The following UMODL1 variants were observed in gnomAD, a reference collection of about 807,000 sequenced individuals.
The protein encoded by UMODL1 is uromodulin like 1.
Under a neutral mutation model 136.3 loss-of-function variants are expected in UMODL1, and 128 were observed. The ratio of observed to expected loss-of-function variants is 0.94; its 90% CI spans 0.81 to 1.09. The LOEUF is 1.09. Among genes scored for constraint, UMODL1 ranks in the 50% least tolerant of loss-of-function variants. UMODL1 has a pLI of 0.00. For synonymous variants in UMODL1, 721 were observed against 720.0 expected (o/e 1.00, Z -0.02); for missense variants, 1,766 against 1,725.6 (o/e 1.02, Z -0.41).
At chr21:42,074,872 C>T (rs1480173444) in intron 1 of UMODL1, among the ~76,000 whole-genome samples, 1 of 151,898 alleles carries the variant, frequency 6.6e-6, no homozygotes, top group Non-Finnish European at 1.5e-5. Flanking sequence ...TTACAGGCAC[C>T]AGCCACCACA....
At chr21:42,114,028 T>A (rs2066873191) in intron 13 of UMODL1, among the ~76,000 whole-genome samples, 198 bp downstream of exon 13, 1 of 152,196 alleles carries the variant, frequency 6.6e-6, no homozygotes, top group Non-Finnish European at 1.5e-5. Context: ...GGAAAAGGCA[T>A]TAGGCAGCCC....
In UMODL1 at chr21:42,102,126, C is replaced by A. The variant is rs1281636218; in HGVS notation, c.1187-40C>A. On this transcript the variant is annotated intron_variant, in intron 7 of 22. Transcript: ENST00000408910. ...AAAACATTAACAGACAAGTGTGTGACTTTTGACCACAGGCTAATTTGTTTC... is the reference window on the plus strand; with the variant it reads ...AAAACATTAACAGACAAGTGTGTGAATTTTGACCACAGGCTAATTTGTTTC... The A allele has an allele frequency of 4.0e-6, 6 of 1,512,456 alleles. No individual in the cohort carries two copies. The Admixed American group carries it at 1.0e-4, about 26-fold the overall frequency. The allele number at this position is 1,512,456 out of a possible 1,614,324, so 93.7% of individuals were successfully genotyped here.
At chr21:42,111,333 G>A (rs766385287) in intron 11 of UMODL1, 173 bp from the exon 12 acceptor site, 8 of 1,604,930 alleles carry the variant, frequency 5.0e-6, no homozygotes, top group South Asian at 1.1e-5. Context: ...GGGAGCCCCA[G>A]CCAGGGGAGC....
chr21:42,077,489 C>CAA, intron 2 of UMODL1, among the ~76,000 whole-genome samples: 1 of 151,506 alleles, frequency 6.6e-6, no homozygotes, highest in Middle Eastern at 3.4e-3. Flanking sequence ...ATAAAGTAGG[C>CAA]AAAAAGTTAA....
At position 42,071,361 on chromosome 21, in the gene UMODL1, T is replaced by G. The variant is rs1231499064; in HGVS notation, c.45T>G (p.Ala15=). The G allele has an allele frequency of 6.3e-7, 1 of 1,596,722 alleles. No homozygotes were observed. Among genetic ancestry groups the G allele is most frequent in the Non-Finnish European group, 8.5e-7 (1 of 1,171,980 alleles). ...TGGCACTGCTGGCTCTGGTCAGTGC[T>G]GTGGGCCCAAGCCAGGCCAGCGGCT... ...SGLALLALVS[A]VGPSQASGFT... The change falls in exon 1 of 23, where the codon GCT becomes GCG. Residue 15 remains alanine, a synonymous_variant. Transcript: ENST00000408910.
chr21:42,123,282 A>T lies in UMODL1; in HGVS notation c.3147+132A>T. 1 of 1,090,748 alleles carries T rather than the reference A, an allele frequency of 9.2e-7. No individual in the cohort carries two copies. Among genetic ancestry groups the T allele is most frequent in the Non-Finnish European group, 1.3e-6 (1 of 783,036 alleles). The allele number at this position is 1,090,748 out of a possible 1,614,324, so 67.6% of individuals were successfully genotyped here. A position where few individuals can be genotyped will look rare whatever the true frequency, so the allele number is the denominator to read the frequency against. The stretch of plus-strand genomic sequence containing the variant: ...GAACCCAGCAAGGGGGGTTCAGGAC[A>T]GGGTTGAGTTCTCAACCAGGGACCA... On this transcript the variant is annotated intron_variant, in intron 17 of 22. Coordinates refer to ENST00000408910, the MANE Select transcript of UMODL1 (RefSeq NM_001004416.3). The surrounding 1 kb of genome is among the most constrained non-coding windows in gnomAD (Gnocchi z 4.4).
intron 22 of UMODL1, among the ~76,000 whole-genome samples, chr21:42,138,445 T>C (rs1015353487): frequency 5.3e-5 from 8 of 152,222 alleles, no homozygotes; most frequent in African/African-American, 1.9e-4. Context: ...TGATCTGCCC[T>C]GTGGACTTTT....
chr21:42,119,451 G>T, intron 15 of UMODL1, 127 bp downstream of exon 15: 1 of 802,362 alleles, frequency 1.2e-6, no homozygotes, highest in Non-Finnish European at 2.0e-6. Context: ...CCCAGAATTA[G>T]ATGAAGATGT....
intron 17 of UMODL1, among the ~76,000 whole-genome samples, chr21:42,124,016 C>T (rs952423037): frequency 6.6e-6 from 1 of 152,222 alleles, no homozygotes; most frequent in African/African-American, 2.4e-5. Flanking sequence ...TTGCAGGTGA[C>T]TCTGGGCCAG....
chr21:42,081,705 A>C (rs1212085174), intron 2 of UMODL1, among the ~76,000 whole-genome samples: 1 of 151,972 alleles, frequency 6.6e-6, no homozygotes, highest in South Asian at 2.1e-4. Context: ...GTACCCCCCA[A>C]CCCAGCTTCC....
chr21:42,063,546 C>G (rs2066158463), intron 1 of UMODL1, among the ~76,000 whole-genome samples: 1 of 152,246 alleles, frequency 6.6e-6, no homozygotes, highest in South Asian at 2.1e-4. Context: ...GGTGAAGGTC[C>G]TTCCTCCTGA....
upstream of UMODL1, among the ~76,000 whole-genome samples, chr21:42,068,052 G>A (rs569492907): frequency 3.3e-4 from 50 of 152,298 alleles, no homozygotes; most frequent in Non-Finnish European, 5.3e-4. This position sits in a 1 kb window ranked among gnomAD's most constrained non-coding sequence, Gnocchi z 5.5. Context: ...AGAAGGGTCC[G>A]AAGGCTGCCA....
intron 7 of UMODL1, among the ~76,000 whole-genome samples, chr21:42,101,543 C>T (rs2066632911): frequency 6.6e-6 from 1 of 152,208 alleles, no homozygotes; most frequent in East Asian, 1.9e-4. Context: ...CGCCGACCTG[C>T]TCCTGTGCCC....
chr21:42,091,103 T>C (rs906982837), intron 6 of UMODL1, among the ~76,000 whole-genome samples: 4 of 152,352 alleles, frequency 2.6e-5, no homozygotes, highest in Admixed American at 2.6e-4. Context: ...ATTATTGATC[T>C]CCTAGTGGGC....
At chr21:42,087,841 C>T (rs573901476) in intron 4 of UMODL1, among the ~76,000 whole-genome samples, 1 of 152,332 alleles carries the variant, frequency 6.6e-6, no homozygotes, top group South Asian at 2.1e-4. Flanking sequence ...CTGAGGCCCC[C>T]AGGCCTCTCT....
intron 9 of UMODL1, among the ~76,000 whole-genome samples, chr21:42,106,296 A>C (rs1028916773): frequency 1.1e-4 from 16 of 152,220 alleles, no homozygotes; most frequent in African/African-American, 3.9e-4. Flanking sequence ...CACGGCGAGG[A>C]TCTGTAGAAG....
At chr21:42,071,179 C>T (rs1601167470), upstream of UMODL1, 4 of 887,106 alleles carry the variant, frequency 4.5e-6, no homozygotes, top group Non-Finnish European at 6.2e-6. Flanking sequence ...GAAGTCATTG[C>T]CACCTGCAGC....
chr21:42,090,068 G>A (rs1036349300), intron 5 of UMODL1, among the ~76,000 whole-genome samples: 2 of 152,236 alleles, frequency 1.3e-5, no homozygotes, highest in Admixed American at 1.3e-4. Flanking sequence ...CCAGCCGCGA[G>A]CCCTGCCTGA....
chr21:42,122,631 A>G lies in UMODL1; in HGVS notation c.2828-200A>G, dbSNP rs1398995806. ...TCTCTGCGTGCATGTGTGTGCATGC[A>G]CGTGTGTGTACGTGTGTGTGCATAT... On this transcript the variant is annotated intron_variant, in intron 16 of 22. Coordinates refer to ENST00000408910, the MANE Select transcript of UMODL1 (RefSeq NM_001004416.3). This position sits in a 1 kb window ranked among gnomAD's most constrained non-coding sequence, Gnocchi z 4.3. Among the ~76,000 whole-genome samples the G allele has an allele frequency of 6.7e-6, 1 of 149,446 alleles. No individual in the cohort carries two copies. Among genetic ancestry groups the G allele is most frequent in the Non-Finnish European group, 1.5e-5 (1 of 67,388 alleles).
Sources: gnomAD v4.1 joint callset for allele counts (sites outside exome capture counted in the v4.1 genomes callset) on GRCh38, gnomAD v4.1.1 for gene constraint, Gnocchi (gnomAD v3.1) non-coding constraint, MANE v1.5 for transcripts, NCBI Gene and HGNC (gene_info 2026-07-23, HGNC 2026-07-21) for gene names.